The following SNX5 variants were observed in gnomAD, a reference collection of about 807,000 sequenced individuals.
The protein encoded by SNX5 is sorting nexin-5.
SNX5 carries 31 observed loss-of-function variants against 53.9 expected under a neutral mutation model. The ratio of observed to expected loss-of-function variants is 0.58; its 90% CI spans 0.43 to 0.78. The LOEUF (loss-of-function observed/expected upper bound fraction) is 0.78, where lower values mean the gene tolerates loss of function less well. Ranked by LOEUF, SNX5 falls within the 30% of genes least tolerant of loss-of-function variation. The pLI, the probability that SNX5 is intolerant of heterozygous loss-of-function variation, is 0.00. For missense variants in SNX5, 471 were observed against 478.8 expected, an observed-to-expected ratio of 0.98 and a Z score of 0.15; for synonymous variants, 168 against 171.1, an observed-to-expected ratio of 0.98 and a Z score of 0.14.
Position 17,954,302 on chromosome 20 carries a change from T to C in SNX5, c.268-185A>G, listed in dbSNP as rs879222013. ...TTCTGGACATTTAAAATGAGGTGTC[T>C]TCCTGAGAGTTGCATATTCACTTTG... On this transcript the variant is annotated intron_variant, in intron 3 of 12. Coordinates refer to ENST00000377759, the MANE Select transcript of SNX5 (RefSeq NM_014426.4). The C allele has an allele frequency of 7.2e-6, 6 of 837,170 alleles. No homozygotes were observed. In the South Asian group the frequency reaches 9.4e-5, roughly 13 times the overall value. 51.9% of individuals were successfully genotyped at this position (837,170 alleles called of 1,614,324 possible).
chr20:17,947,673 A>G, intron 10 of SNX5, 28 bp from the exon 11 acceptor site: 1 of 1,594,332 alleles, frequency 6.3e-7, no homozygotes, highest in Non-Finnish European at 8.5e-7. Context: ...AGGTATACAT[A>G]CTAAGTATCT....
chr20:17,952,245 T>A (rs182974870), intron 5 of SNX5, among the ~76,000 whole-genome samples: 102 of 152,178 alleles, frequency 6.7e-4, no homozygotes, highest in African/African-American at 2.4e-3. Flanking sequence ...AAAAAAGTCA[T>A]AATTCAACAA....
chr20:17,959,546 T>C (rs1250855084), intron 1 of SNX5, among the ~76,000 whole-genome samples: 1 of 152,194 alleles, frequency 6.6e-6, no homozygotes, highest in Non-Finnish European at 1.5e-5. Flanking sequence ...ATGACAGTCC[T>C]AACCACCAAA....
At chr20:17,959,867 T>G (rs2035420444) in intron 1 of SNX5, among the ~76,000 whole-genome samples, 1 of 152,042 alleles carries the variant, frequency 6.6e-6, no homozygotes, top group Admixed American at 6.6e-5. Flanking sequence ...TGCTAAATAA[T>G]TGCCAGGCTC....
intron 1 of SNX5, chr20:17,961,162 G>T: frequency 2.0e-6 from 2 of 985,414 alleles, no homozygotes; most frequent in South Asian, 9.4e-5. Flanking sequence ...TTCCCAGCTG[G>T]GGCACATCAG....
chr20:17,965,670 C>CAAAA (rs74179147), intron 1 of SNX5, among the ~76,000 whole-genome samples: 1 of 97,054 alleles, frequency 1.0e-5, no homozygotes, highest in African/African-American at 3.9e-5. Flanking sequence ...GACCCTGTCT[C>CAAAA]AAAAAAAAAA....
chr20:17,951,421 G>C, intron 6 of SNX5, 79 bp downstream of exon 6: 1 of 821,918 alleles, frequency 1.2e-6, no homozygotes, highest in South Asian at 1.4e-5. Flanking sequence ...TGTTTCACAA[G>C]TATCTCTTTC....
intron 1 of SNX5, among the ~76,000 whole-genome samples, chr20:17,959,075 T>C (rs2122402069): frequency 6.6e-6 from 1 of 152,344 alleles, no homozygotes; most frequent in Middle Eastern, 3.4e-3. Flanking sequence ...CCCTGACTTC[T>C]AGCACTGCTC....
rs184832986 is a variant in SNX5, at chr20:17,951,439, C to T, written c.609+61G>A. 63 of 945,726 alleles carry T rather than the reference C, an allele frequency of 6.7e-5. 1 individual carries two copies. In the East Asian group the frequency reaches 1.5e-3, roughly 23 times the overall value. The allele number at this position is 945,726 out of a possible 1,614,324, so 58.6% of individuals were successfully genotyped here. On this transcript the variant is annotated intron_variant, in intron 6 of 12. Transcript: ENST00000377759. ...TTCACAAGTATCTCTTTCAAAGAAA[C>T]AAAAGGTCACCTATTCCCGATGAAG...
Position 17,968,512 on chromosome 20 carries a change from G to C in SNX5, c.-87C>G, listed in dbSNP as rs926702737. On this transcript the variant is annotated 5_prime_UTR_variant, in exon 1 of 13. Coordinates refer to ENST00000377759, the MANE Select transcript of SNX5 (RefSeq NM_014426.4). ...CGCCGCCGCCGCCTGGGCGCCTCTC[G>C]GGGGCGGCCACGGCCCCGCCTCCGC... The C allele has an allele frequency of 2.4e-6, 3 of 1,225,568 alleles. No homozygotes were observed. The highest frequency in any genetic ancestry group is 3.2e-5 in the East Asian group (1 of 31,636). 75.9% of individuals were successfully genotyped at this position (1,225,568 alleles called of 1,614,324 possible).
At chr20:17,946,611 A>C (rs771841362) in intron 11 of SNX5, among the ~76,000 whole-genome samples, 2 of 152,244 alleles carry the variant, frequency 1.3e-5, no homozygotes, top group Admixed American at 6.5e-5. Flanking sequence ...TAGTAGGATG[A>C]CAAGTGCCAA....
intron 11 of SNX5, among the ~76,000 whole-genome samples, chr20:17,945,791 G>C (rs2039480674): frequency 6.6e-6 from 1 of 152,200 alleles, no homozygotes; most frequent in Non-Finnish European, 1.5e-5. Flanking sequence ...ACAGACAAAT[G>C]ATTAGAAATC....
At chr20:17,951,268 G>C (rs909015457) in intron 6 of SNX5, 9 of 484,364 alleles carry the variant, frequency 1.9e-5, no homozygotes, top group Non-Finnish European at 3.4e-5. Flanking sequence ...CAGAAAAGGA[G>C]AAAATGAAGC....
rs1487605628 is a variant in SNX5, at chr20:17,968,601, G to A, written c.-176C>T. 1.3e-5 allele frequency: 8 copies of A among 633,588 alleles called. No individual in the cohort carries two copies. The highest frequency in any genetic ancestry group is 2.0e-5 in the Non-Finnish European group (7 of 358,192). The allele number at this position is 633,588 out of a possible 1,614,324, so 39.2% of individuals were successfully genotyped here. On this transcript the variant is annotated 5_prime_UTR_variant, in exon 1 of 13. Coordinates refer to ENST00000377759, the MANE Select transcript of SNX5 (RefSeq NM_014426.4). ...TCCGCCACCATCCCAGCTGCCCCGG[G>A]AGCAGGCGAGCAGGGCGCCACGTGC... is the stretch of plus-strand genomic sequence containing the variant.
At chr20:17,949,835 A>T (rs2039539339) in intron 8 of SNX5, among the ~76,000 whole-genome samples, 1 of 152,238 alleles carries the variant, frequency 6.6e-6, no homozygotes, top group African/African-American at 2.4e-5. Context: ...GGGAAGATGC[A>T]AGATAAACTC....
chr20:17,943,480 A>T, intron 11 of SNX5: 1 of 362,122 alleles, frequency 2.8e-6, no homozygotes, highest in Non-Finnish European at 5.1e-6. Context: ...GAGCAGCCTC[A>T]CTCTCACCCT....
intron 5 of SNX5, 147 bp downstream of exon 5, chr20:17,952,440 A>T (rs901686073): frequency 2.2e-5 from 17 of 760,024 alleles, no homozygotes; most frequent in Non-Finnish European, 2.9e-5. Flanking sequence ...TTTACAAAAA[A>T]TGACTTACAA....
intron 1 of SNX5, chr20:17,962,064 G>T (rs542733914): frequency 1.2e-6 from 1 of 817,938 alleles, no homozygotes; most frequent in Non-Finnish European, 1.5e-6. Context: ...TTGGTGCTCC[G>T]AATTGTTACT....
intron 10 of SNX5, among the ~76,000 whole-genome samples, chr20:17,947,872 G>A (rs73898719): frequency 0.012 from 1,802 of 146,502 alleles, 32 homozygotes; most frequent in African/African-American, 0.04. Flanking sequence ...TTACTCAAGA[G>A]TGAAAACAGA....
Sources: gnomAD v4.1 joint callset for allele counts (sites outside exome capture counted in the v4.1 genomes callset) on GRCh38, gnomAD v4.1.1 for gene constraint, MANE v1.5 for transcripts, NCBI Gene and HGNC (gene_info 2026-07-23, HGNC 2026-07-21) for gene names.